The following GLIS3 variants were observed in gnomAD, a reference collection of about 807,000 sequenced individuals.
GLIS3 encodes the protein zinc finger protein GLIS3.
A neutral mutation model predicts 78.6 loss-of-function variants in GLIS3; 53 were observed. That is an observed-to-expected ratio of 0.67 (90% CI 0.54 to 0.85). GLIS3 has a LOEUF of 0.85. Among genes scored for constraint, GLIS3 ranks in the 40% least tolerant of loss-of-function variants. The pLI, the probability that GLIS3 is intolerant of heterozygous loss-of-function variation, is 0.00. For missense variants in GLIS3, 1,703 were observed against 1,231.1 expected (o/e 1.38, Z -5.74); for synonymous variants, 684 against 509.9 (o/e 1.34, Z -4.60).
chr9:4,187,504 T>G (rs1817916321), intron 2 of GLIS3, among the ~76,000 whole-genome samples: 1 of 152,186 alleles, frequency 6.6e-6, no homozygotes, highest in South Asian at 2.1e-4. Flanking sequence ...CATATGAACT[T>G]TAAAGTAGTT....
intron 4 of GLIS3, among the ~76,000 whole-genome samples, chr9:4,096,155 A>G (rs758730083): frequency 2.6e-5 from 4 of 152,248 alleles, no homozygotes; most frequent in Non-Finnish European, 5.9e-5. Flanking sequence ...AATAGTTCAC[A>G]TTTAAAAAAA....
At chr9:3,872,755 C>T (rs1821049159) in intron 8 of GLIS3, among the ~76,000 whole-genome samples, 1 of 152,168 alleles carries the variant, frequency 6.6e-6, no homozygotes, top group African/African-American at 2.4e-5. Flanking sequence ...TCAGTCCCCA[C>T]ACCTGTGGAA....
intron 4 of GLIS3, among the ~76,000 whole-genome samples, chr9:4,075,595 CA>C (rs145447416): frequency 2.0e-5 from 3 of 151,722 alleles, no homozygotes; most frequent in Admixed American, 2.0e-4. Context: ...CAAAACAAAA[CA>C]AAAAAGATAT....
intron 4 of GLIS3, among the ~76,000 whole-genome samples, chr9:4,033,247 A>AC (rs145302114): frequency 0.071 from 10,771 of 151,874 alleles, 563 homozygotes; most frequent in African/African-American, 0.14. Flanking sequence ...TTCTCTTTCC[A>AC]CCCTAAAATC....
At chr9:4,452,573 C>G in the GLIS3 span, among the ~76,000 whole-genome samples, 1 of 152,184 alleles carries the variant, frequency 6.6e-6, no homozygotes, top group South Asian at 2.1e-4. Flanking sequence ...TTCACAATTG[C>G]TACAAAGAGG....
At chr9:4,159,350 C>A (rs942822742) in intron 2 of GLIS3, among the ~76,000 whole-genome samples, 2 of 152,178 alleles carry the variant, frequency 1.3e-5, no homozygotes, top group African/African-American at 4.8e-5. Context: ...ATGTTCTACC[C>A]TTTCTATGCA....
the GLIS3 span, among the ~76,000 whole-genome samples, chr9:4,427,166 A>T: frequency 6.6e-6 from 1 of 152,232 alleles, no homozygotes; most frequent in Admixed American, 6.5e-5. Flanking sequence ...GCGATGGAAC[A>T]GTAAGTTGGA....
intron 2 of GLIS3, among the ~76,000 whole-genome samples, chr9:4,138,345 GATCTT>G (rs1269677267): frequency 6.6e-6 from 1 of 152,184 alleles, no homozygotes; most frequent in African/African-American, 2.4e-5. Context: ...CTTGGTCAAA[GATCTT>G]ACAACCAATT....
chr9:4,456,698 T>C, the GLIS3 span, among the ~76,000 whole-genome samples: 4 of 152,244 alleles, frequency 2.6e-5, no homozygotes, highest in Non-Finnish European at 5.9e-5. Flanking sequence ...ATTTGAATAC[T>C]TAGAGGCCAT....
chr9:3,828,082 G>T lies in GLIS3; in HGVS notation c.*190C>A, dbSNP rs1817821065. The T allele has an allele frequency of 1.6e-6, 1 of 644,650 alleles. No homozygotes were observed. The highest frequency in any genetic ancestry group is 1.9e-5 in the South Asian group (1 of 53,298). 39.9% of individuals were successfully genotyped at this position (644,650 alleles called of 1,614,324 possible). On this transcript the variant is annotated 3_prime_UTR_variant, in exon 11 of 11. Transcript: ENST00000381971. ...AGTCCAGGAAAACCAGAGAGAAAAA[G>T]GAGCAACTGTAATGATTCCTGCAAA...
the GLIS3 span, among the ~76,000 whole-genome samples, chr9:4,369,681 G>C: frequency 6.6e-6 from 1 of 152,138 alleles, no homozygotes; most frequent in Non-Finnish European, 1.5e-5. Context: ...TATAACAATG[G>C]CGTGATGGTC....
chr9:3,956,028 C>CCAAAAAAAAAAAAAAAAAAAAAAAAAA (rs1491307787), intron 4 of GLIS3, among the ~76,000 whole-genome samples: 1 of 87,630 alleles, frequency 1.1e-5, no homozygotes, highest in Non-Finnish European at 2.3e-5. Flanking sequence ...CCAGATTCAG[C>CCAAAAAAAAAAAAAAAAAAAAAAAAAA]AAAAAAAAAA....
chr9:4,088,695 T>C (rs1829245918), intron 4 of GLIS3, among the ~76,000 whole-genome samples: 1 of 152,254 alleles, frequency 6.6e-6, no homozygotes, highest in African/African-American at 2.4e-5. Flanking sequence ...TGTGACCTTG[T>C]CCCTTCTCCT....
the GLIS3 span, among the ~76,000 whole-genome samples, chr9:4,485,349 G>C: frequency 6.6e-6 from 1 of 152,014 alleles, no homozygotes; most frequent in Non-Finnish European, 1.5e-5. Context: ...TTTCAGACTT[G>C]GATTTCTGAG....
intron 8 of GLIS3, among the ~76,000 whole-genome samples, chr9:3,873,317 C>G (rs776408583): frequency 4.6e-5 from 7 of 152,090 alleles, no homozygotes; most frequent in Non-Finnish European, 1.0e-4. Context: ...GCCAATATCC[C>G]TGATAAACAG....
At chr9:4,401,542 G>A in the GLIS3 span, among the ~76,000 whole-genome samples, 17 of 150,194 alleles carry the variant, frequency 1.1e-4, no homozygotes, top group South Asian at 3.6e-3. Context: ...TGAATTACCG[G>A]TGTGAGCCAC....
chr9:4,475,088 G>A, the GLIS3 span, among the ~76,000 whole-genome samples: 1 of 147,528 alleles, frequency 6.8e-6, no homozygotes, highest in Admixed American at 7.0e-5. Context: ...CTGCCTCCTG[G>A]GTTCAGGTGA....
intron 2 of GLIS3, among the ~76,000 whole-genome samples, chr9:4,255,465 A>T (rs1280454067): frequency 6.6e-6 from 1 of 152,236 alleles, no homozygotes; most frequent in Non-Finnish European, 1.5e-5. Flanking sequence ...GGAAGTAACC[A>T]AGATGCCCAT....
At chr9:4,109,065 G>C (rs980926210) in intron 4 of GLIS3, among the ~76,000 whole-genome samples, 5 of 152,044 alleles carry the variant, frequency 3.3e-5, no homozygotes, top group Non-Finnish European at 7.4e-5. Flanking sequence ...ATTTTGATGG[G>C]AATTGATTTA....
Sources: gnomAD v4.1 joint callset for allele counts (sites outside exome capture counted in the v4.1 genomes callset) on GRCh38, gnomAD v4.1.1 for gene constraint, MANE v1.5 for transcripts, NCBI Gene and HGNC (gene_info 2026-07-23, HGNC 2026-07-21) for gene names.